Variants in ZNF707 observed in about 807,000 individuals in gnomAD.
The protein encoded by ZNF707 is zinc finger protein 707.
ZNF707 carries 8 observed loss-of-function variants against 13.3 expected under a neutral mutation model. The observed-to-expected ratio is 0.60, with a 90% CI of 0.35 to 1.09. ZNF707 has a LOEUF of 1.09. ZNF707 is among the 50% of genes least tolerant of loss of function. ZNF707 has a pLI of 0.02. For missense variants in ZNF707, 530 were observed against 512.6 expected (o/e 1.03, Z -0.33); for synonymous variants, 225 against 205.6 (o/e 1.09, Z -0.81).
Position 143,693,016 on chromosome 8 carries a change from C to T in ZNF707, c.257-655C>T, listed in dbSNP as rs1388978943. ...CACCCGCATGAGTGGGGCCTGCTGG[C>T]GTGGACAGGGTGAAAGGACATTCTC... On this transcript the variant is annotated intron_variant, in intron 5 of 5. Transcript: ENST00000358656. This position sits in a 1 kb window ranked among gnomAD's most constrained non-coding sequence, Gnocchi z 4.1. Among the ~76,000 whole-genome samples the T allele has an allele frequency of 1.3e-5, 2 of 152,116 alleles. No individual in the cohort carries two copies. Among genetic ancestry groups the T allele is most frequent in the African/African-American group, 4.8e-5 (2 of 41,412 alleles).
rs1318333508 is a variant in ZNF707 at position 143,691,053 on chromosome 8, G to A, written c.16-20G>A. On this transcript the variant is annotated intron_variant, in intron 3 of 5. Transcript: ENST00000358656. ...TCTTTTTCTTGGGAATGGCCTCTTCGGGAGCTGTGTGTGTTGCAGGAGCCA... is the reference window on the plus strand; with the variant it reads ...TCTTTTTCTTGGGAATGGCCTCTTCAGGAGCTGTGTGTGTTGCAGGAGCCA... The A allele has an allele frequency of 8.1e-6, 13 of 1,613,512 alleles. No homozygotes were observed. The highest frequency in any genetic ancestry group is 6.7e-5 in the Admixed American group (4 of 59,970).
chr8:143,690,232 C>G, intron 3 of ZNF707, 109 bp downstream of exon 3: 1 of 1,402,466 alleles, frequency 7.1e-7, no homozygotes, highest in African/African-American at 1.4e-5. Flanking sequence ...AGGCACTGTG[C>G]CCGTGTCTGC....
chr8:143,686,808 C>CT (rs6150874), intron 1 of ZNF707: 79 of 142,418 alleles, frequency 5.5e-4, no homozygotes, highest in Middle Eastern at 4.3e-3. Flanking sequence ...ACCCCGTCTC[C>CT]TTTTTTTTTT....
intron 1 of ZNF707, among the ~76,000 whole-genome samples, chr8:143,686,533 T>C (rs1816288193): frequency 6.6e-6 from 1 of 152,218 alleles, no homozygotes; most frequent in Non-Finnish European, 1.5e-5. Flanking sequence ...GTTCTAATAT[T>C]TTGCCCAGTT....
chr8:143,691,059 T>A lies in ZNF707; in HGVS notation c.16-14T>A. 6.2e-7 allele frequency: 1 copy of A among 1,613,622 alleles called. No individual in the cohort carries two copies. Among genetic ancestry groups the A allele is most frequent in the South Asian group, 1.1e-5 (1 of 91,056 alleles). ...TCTTGGGAATGGCCTCTTCGGGAGC[T>A]GTGTGTGTTGCAGGAGCCAGTGACC... On this transcript the variant is annotated splice_polypyrimidine_tract_variant and intron_variant, in intron 3 of 5. Coordinates refer to ENST00000358656, the MANE Select transcript of ZNF707 (RefSeq NM_001100598.2).
chr8:143,686,352 G>A (rs1043120158), intron 1 of ZNF707, among the ~76,000 whole-genome samples: 3 of 151,368 alleles, frequency 2.0e-5, no homozygotes, highest in African/African-American at 4.8e-5. Context: ...GATTACAGGC[G>A]TGAACCACCG....
At chr8:143,686,697 G>C (rs2131504275) in intron 1 of ZNF707, among the ~76,000 whole-genome samples, 1 of 152,054 alleles carries the variant, frequency 6.6e-6, no homozygotes, top group African/African-American at 2.4e-5. Flanking sequence ...TAGAGACAGA[G>C]GTCTCCCTAT....
chr8:143,694,373 A>C lies in ZNF707; in HGVS notation c.959A>C (p.Glu320Ala). 3 of 1,612,144 alleles carry C rather than the reference A, an allele frequency of 1.9e-6. No individual in the cohort carries two copies. Among genetic ancestry groups the C allele is most frequent in the Non-Finnish European group, 2.5e-6 (3 of 1,179,446 alleles). ...HSGEKPYTCA[E>A]CGKSFRWPKG... ...GGGGAGAAGCCCTACACCTGTGCCG[A>C]GTGCGGCAAGTCCTTCCGGTGGCCC... Residue 320 changes from glutamate to alanine, a missense_variant, in exon 6 of 6, where the codon GAG becomes GCG. Transcript: ENST00000358656. This position sits in a 1 kb window ranked among gnomAD's most constrained non-coding sequence, Gnocchi z 4.4.
At position 143,694,695 on chromosome 8, in the gene ZNF707, GC is replaced by G; in HGVS notation, c.*167del. On this transcript the variant is annotated 3_prime_UTR_variant, in exon 6 of 6. Coordinates refer to ENST00000358656, the MANE Select transcript of ZNF707 (RefSeq NM_001100598.2). This position sits in a 1 kb window ranked among gnomAD's most constrained non-coding sequence, Gnocchi z 4.4. The stretch of plus-strand genomic sequence containing the variant: ...CCCCGAGAAGTTTACTGGGAAAACT[GC>G]CAGGTGGGAGAAGCAGAGCCATGGG... 2 of 787,570 alleles carry G rather than the reference GC, an allele frequency of 2.5e-6. No homozygotes were observed. The highest frequency in any genetic ancestry group is 1.9e-6 in the Non-Finnish European group (1 of 521,336). 48.8% of individuals were successfully genotyped at this position (787,570 alleles called of 1,614,324 possible). A position where few individuals can be genotyped will look rare whatever the true frequency, so the allele number is the denominator to read the frequency against.
chr8:143,686,162 A>G (rs1816248457), intron 1 of ZNF707, among the ~76,000 whole-genome samples: 2 of 151,940 alleles, frequency 1.3e-5, no homozygotes, highest in South Asian at 2.1e-4. Context: ...CAGTGGCATA[A>G]TCTCGGCTCA....
intron 3 of ZNF707, among the ~76,000 whole-genome samples, chr8:143,690,741 T>C (rs1321157834): frequency 2.6e-5 from 4 of 152,222 alleles, no homozygotes; most frequent in Non-Finnish European, 5.9e-5. Context: ...CAAGATCAGA[T>C]GCTGCAGATC....
chr8:143,692,883 C>T lies in ZNF707; in HGVS notation c.257-788C>T, dbSNP rs1020806878. Among the ~76,000 whole-genome samples, 4 of 151,148 alleles carry T rather than the reference C, an allele frequency of 2.6e-5. No homozygotes were observed. The East Asian group carries it at 7.9e-4, about 30-fold the overall frequency. The stretch of plus-strand genomic sequence containing the variant: ...GCCCCCGGCTGGGGAGGTGTCGCAT[C>T]CCCGGGTGTGTGGAGCCCCCGGCTG... On this transcript the variant is annotated intron_variant, in intron 5 of 5. Transcript: ENST00000358656.
At position 143,694,418 on chromosome 8, in the gene ZNF707, G is replaced by C. The variant is rs782716133; in HGVS notation, c.1004G>C (p.Arg335Pro). 5 of 1,612,356 alleles carry C rather than the reference G, an allele frequency of 3.1e-6. No individual in the cohort carries two copies. The highest frequency in any genetic ancestry group is 4.2e-6 in the Non-Finnish European group (5 of 1,179,616). ...TGGCCCAAGGGCTTCAGCATCCACC[G>C]GAGGCTGCACCTGACGAAGAGGTTC... ...FRWPKGFSIH[R>P]RLHLTKRFYE... is the part of the protein sequence containing the mutation. The change falls in exon 6 of 6, where the codon CGG (arginine) becomes CCG (proline). Residue 335 changes from arginine (R) to proline (P), a missense_variant. Arg to Pro is a moderately radical substitution (Grantham distance 103). Transcript: ENST00000358656. The surrounding 1 kb of genome is among the most constrained non-coding windows in gnomAD (Gnocchi z 4.4).
At position 143,693,618 on chromosome 8, in the gene ZNF707, C is replaced by T. The variant is rs781852576; in HGVS notation, c.257-53C>T. 3.6e-5 allele frequency: 53 copies of T among 1,484,664 alleles called. No individual in the cohort carries two copies. Among genetic ancestry groups the T allele is most frequent in the Admixed American group, 1.5e-4 (6 of 39,200 alleles). 92.0% of individuals were successfully genotyped at this position (1,484,664 alleles called of 1,614,324 possible). On this transcript the variant is annotated intron_variant, in intron 5 of 5. Transcript: ENST00000358656. The surrounding 1 kb of genome is among the most constrained non-coding windows in gnomAD (Gnocchi z 4.1). ...CCTCCTCTGGGCTTTGCTGGAGGCA[C>T]TGCCTGGCTGTGGGCCACTGGCTCT...
intron 4 of ZNF707, 49 bp from the exon 5 acceptor site, chr8:143,691,551 C>T: frequency 6.5e-7 from 1 of 1,536,584 alleles, no homozygotes; most frequent in Non-Finnish European, 8.8e-7. Flanking sequence ...TCGACCCTCA[C>T]TTTGTCCTCA....
intron 5 of ZNF707, chr8:143,692,153 A>T: frequency 7.7e-7 from 1 of 1,298,828 alleles, no homozygotes. Flanking sequence ...TTGTTTGCAA[A>T]ACTGGGACAG....
chr8:143,686,731 C>T (rs1432748861), intron 1 of ZNF707, among the ~76,000 whole-genome samples: 2 of 151,364 alleles, frequency 1.3e-5, no homozygotes, highest in African/African-American at 2.4e-5. Context: ...GTCTCAAACT[C>T]CTGGCCTCAA....
intron 3 of ZNF707, 61 bp from the exon 4 acceptor site, chr8:143,691,012 C>T: frequency 6.2e-7 from 1 of 1,602,812 alleles, no homozygotes; most frequent in Non-Finnish European, 8.5e-7. Flanking sequence ...CCCACCCAGA[C>T]CTGTGGGCTG....
At chr8:143,686,388 A>T (rs1008491510) in intron 1 of ZNF707, among the ~76,000 whole-genome samples, 19 of 151,438 alleles carry the variant, frequency 1.3e-4, no homozygotes, top group African/African-American at 4.6e-4. Flanking sequence ...TGTTATTTTT[A>T]TCACTGTGGT....
Sources: allele counts gnomAD v4.1 joint callset (sites outside exome capture counted in the v4.1 genomes callset), GRCh38; gene constraint gnomAD v4.1.1; non-coding constraint Gnocchi (gnomAD v3.1); transcripts MANE v1.5; gene names NCBI Gene and HGNC (gene_info 2026-07-23, HGNC 2026-07-21).